The following GDPD5 variants were observed in gnomAD, a reference collection of about 807,000 sequenced individuals.
GDPD5 encodes glycerophosphodiester phosphodiesterase domain containing 5.
GDPD5 carries 48 observed loss-of-function variants against 75.1 expected under a neutral mutation model. That is an observed-to-expected ratio of 0.64 (90% CI 0.51 to 0.81). The LOEUF is 0.81. Ranked by LOEUF, GDPD5 falls within the 40% of genes least tolerant of loss-of-function variation. The pLI, the probability that GDPD5 is intolerant of heterozygous loss-of-function variation, is 0.00. For missense variants in GDPD5, 706 were observed against 822.6 expected, an observed-to-expected ratio of 0.86 and a Z score of 1.73; for synonymous variants, 336 against 339.0, an observed-to-expected ratio of 0.99 and a Z score of 0.10.
At chr11:75,476,453 A>G (rs893428738) in intron 3 of GDPD5, among the ~76,000 whole-genome samples, 1 of 151,592 alleles carries the variant, frequency 6.6e-6, no homozygotes, top group Non-Finnish European at 1.5e-5. Context: ...ACCTGAATCC[A>G]TCTGACTCCA....
intron 2 of GDPD5, among the ~76,000 whole-genome samples, chr11:75,487,159 C>CT (rs1310132197): frequency 1.3e-5 from 2 of 152,224 alleles, no homozygotes; most frequent in Non-Finnish European, 2.9e-5. Context: ...CTGCAGGTAG[C>CT]TTTTCCGGGG....
chr11:75,496,942 G>A (rs1316738903), intron 1 of GDPD5, among the ~76,000 whole-genome samples: 1 of 151,652 alleles, frequency 6.6e-6, no homozygotes, highest in Admixed American at 6.6e-5. Flanking sequence ...TACCATACCC[G>A]GCAAATTTTT....
In GDPD5 at chr11:75,462,844, T is replaced by C. The variant is rs1355938817; in HGVS notation, c.163A>G (p.Thr55Ala). ...CACCAGAAGTAAAGCCAGGTGAGCG[T>C]GAGGCCAAAGGTGAAGGTGAGGAGC... ...FLLLTFTFGL[T>A]LTWLYFWWEV... The change falls in exon 4 of 17, where the codon ACG becomes GCG. Residue 55 changes from threonine (T) to alanine (A), a missense_variant. By Grantham distance (58) the Thr-to-Ala change is moderately conservative (BLOSUM62 0). Coordinates refer to ENST00000336898, the MANE Select transcript of GDPD5 (RefSeq NM_030792.8). 11 of 1,614,006 alleles carry C rather than the reference T, an allele frequency of 6.8e-6. No individual in the cohort carries two copies. The highest frequency in any genetic ancestry group is 8.5e-6 in the Non-Finnish European group (10 of 1,179,954).
rs149014681 is a variant in GDPD5 at position 75,443,189 on chromosome 11, T to C, written c.895A>G (p.Met299Val). 5 of 1,605,040 alleles carry C rather than the reference T, an allele frequency of 3.1e-6. No homozygotes were observed. Among genetic ancestry groups the C allele is most frequent in the East Asian group, 2.2e-5 (1 of 44,572 alleles). ...FPELARRPAS[M>V]LNWTTLQRLN... ...CTCTGCAGGGTGGTCCAGTTAAGCA[T>C]GGAGGCAGGCCTGCGGGCCAGCTCC... Residue 299 changes from methionine (M) to valine (V), a missense_variant, in exon 11 of 17, where the codon ATG (methionine) becomes GTG (valine). Met to Val is a conservative substitution (Grantham distance 21). Coordinates refer to ENST00000336898, the MANE Select transcript of GDPD5 (RefSeq NM_030792.8).
chr11:75,521,700 T>C (rs1270834327), intron 1 of GDPD5, among the ~76,000 whole-genome samples: 1 of 152,176 alleles, frequency 6.6e-6, no homozygotes, highest in African/African-American at 2.4e-5. Context: ...GGTTGGGTAA[T>C]CCAGGAATGT....
intron 1 of GDPD5, among the ~76,000 whole-genome samples, chr11:75,494,074 G>T (rs1422342012): frequency 2.6e-5 from 4 of 151,690 alleles, no homozygotes; most frequent in East Asian, 1.9e-4. Flanking sequence ...TCTATTTAAA[G>T]ATTTTATTTA....
At chr11:75,460,001 C>T (rs1949377815) in intron 4 of GDPD5, among the ~76,000 whole-genome samples, 1 of 152,154 alleles carries the variant, frequency 6.6e-6, no homozygotes, top group Non-Finnish European at 1.5e-5. Flanking sequence ...GGGCATCTGC[C>T]CTCCCTGGCC....
At chr11:75,521,840 T>C (rs1003637662) in intron 1 of GDPD5, among the ~76,000 whole-genome samples, 6 of 151,862 alleles carry the variant, frequency 4.0e-5, no homozygotes, top group Non-Finnish European at 8.8e-5. Flanking sequence ...ATGTGGTGTG[T>C]TTAGGAGACA....
At chr11:75,518,719 C>T (rs1645359494) in intron 1 of GDPD5, among the ~76,000 whole-genome samples, 1 of 152,166 alleles carries the variant, frequency 6.6e-6, no homozygotes, top group Non-Finnish European at 1.5e-5. Flanking sequence ...GGCCCCACAG[C>T]CAGCAACAAA....
At chr11:75,523,189 A>G (rs1476237717) in intron 1 of GDPD5, among the ~76,000 whole-genome samples, 1 of 152,190 alleles carries the variant, frequency 6.6e-6, no homozygotes, top group Non-Finnish European at 1.5e-5. Flanking sequence ...GAGGTATTCT[A>G]ATTTTATAGG....
At chr11:75,465,562 G>T (rs1464914011) in intron 3 of GDPD5, among the ~76,000 whole-genome samples, 1 of 152,206 alleles carries the variant, frequency 6.6e-6, no homozygotes, top group African/African-American at 2.4e-5. Flanking sequence ...GAAAAGATTT[G>T]ATAATGAAAT....
intron 15 of GDPD5, among the ~76,000 whole-genome samples, chr11:75,439,153 G>A (rs1209888463): frequency 2.6e-5 from 4 of 152,214 alleles, no homozygotes; most frequent in Non-Finnish European, 2.9e-5. Flanking sequence ...GGACACACAC[G>A]GCAGTGGGAC....
At chr11:75,509,493 T>G (rs1243513343) in intron 1 of GDPD5, among the ~76,000 whole-genome samples, 1 of 152,212 alleles carries the variant, frequency 6.6e-6, no homozygotes, top group East Asian at 1.9e-4. Context: ...GCCCAGAGGC[T>G]TGGGGGATTA....
At chr11:75,441,570 T>TG in intron 13 of GDPD5, 76 bp downstream of exon 13, 4 of 1,203,832 alleles carry the variant, frequency 3.3e-6, no homozygotes, top group Non-Finnish European at 4.6e-6. Flanking sequence ...GTGTGTGTGT[T>TG]GGGGGGTGGT....
intron 3 of GDPD5, among the ~76,000 whole-genome samples, chr11:75,476,570 T>C (rs1041456861): frequency 2.6e-5 from 4 of 152,154 alleles, no homozygotes; most frequent in African/African-American, 4.8e-5. Flanking sequence ...GGCTCTAGTA[T>C]TGGCGTTGCC....
At chr11:75,505,539 G>T (rs1270430890) in intron 1 of GDPD5, among the ~76,000 whole-genome samples, 1 of 152,128 alleles carries the variant, frequency 6.6e-6, no homozygotes, top group Non-Finnish European at 1.5e-5. Flanking sequence ...ATTCCTAGGT[G>T]TCCTTCCAAT....
At chr11:75,457,628 G>C in intron 5 of GDPD5, 65 bp downstream of exon 5, 1 of 1,372,514 alleles carries the variant, frequency 7.3e-7, no homozygotes, top group South Asian at 1.2e-5. Flanking sequence ...CATCAGCCCA[G>C]CACAGGGCCA....
Position 75,442,378 on chromosome 11 carries a change from G to T in GDPD5, c.1152C>A (p.Gly384=), listed in dbSNP as rs1393467146. ...NVTLEAVLHS[G]FPQHQVMWLP... ...AGGGCCTCACCTGGTGCTGGGGGAA[G>T]CCGGAGTGCAGCACGGCCTCCAGAG... The change falls in exon 12 of 17, where the codon GGC becomes GGA. Residue 384 remains glycine (G), a synonymous_variant. Coordinates refer to ENST00000336898, the MANE Select transcript of GDPD5 (RefSeq NM_030792.8). 6 of 1,562,144 alleles carry T rather than the reference G, an allele frequency of 3.8e-6. No homozygotes were observed. The highest frequency in any genetic ancestry group is 5.2e-6 in the Non-Finnish European group (6 of 1,153,898).
At chr11:75,493,229 T>TCTCACACACA (rs774632683) in intron 1 of GDPD5, among the ~76,000 whole-genome samples, 15 of 141,006 alleles carry the variant, frequency 1.1e-4, no homozygotes, top group African/African-American at 4.0e-4. Context: ...CCCACACATC[T>TCTCACACACA]CACACACACA....
Sources: allele counts gnomAD v4.1 joint callset (sites outside exome capture counted in the v4.1 genomes callset), GRCh38; gene constraint gnomAD v4.1.1; transcripts MANE v1.5; gene names NCBI Gene and HGNC (gene_info 2026-07-23, HGNC 2026-07-21).